The following PPP4R3A variants were observed in gnomAD, a reference collection of about 807,000 sequenced individuals.
The protein encoded by PPP4R3A is serine/threonine-protein phosphatase 4 regulatory subunit 3A.
A neutral mutation model predicts 91.7 loss-of-function variants in PPP4R3A; 15 were observed. The observed-to-expected ratio is 0.16, with a 90% CI of 0.11 to 0.25. The LOEUF (loss-of-function observed/expected upper bound fraction) is 0.25, where lower values mean the gene tolerates loss of function less well. Ranked by LOEUF, PPP4R3A falls within the 10% of genes least tolerant of loss-of-function variation. The probability of loss-of-function intolerance (pLI) is 1.00; values close to 1 mark genes in which losing one functional copy is unlikely to be tolerated. For synonymous variants in PPP4R3A, 377 were observed against 348.7 expected (o/e 1.08, Z -0.91); for missense variants, 623 against 998.4 (o/e 0.62, Z 5.07).
chr14:91,473,404 T>C, intron 7 of PPP4R3A, 34 bp from the exon 8 acceptor site: 1 of 1,585,802 alleles, frequency 6.3e-7, no homozygotes, highest in African/African-American at 1.4e-5. Flanking sequence ...CAGGATCACT[T>C]ATTATGAGAG....
intron 1 of PPP4R3A, among the ~76,000 whole-genome samples, chr14:91,504,430 C>T (rs1450178784): frequency 6.6e-6 from 1 of 151,446 alleles, no homozygotes; most frequent in African/African-American, 2.4e-5. Context: ...GGTGAAACCT[C>T]GTCTCTACTA....
At chr14:91,508,890 C>T (rs985851449) in intron 1 of PPP4R3A, among the ~76,000 whole-genome samples, 1 of 152,200 alleles carries the variant, frequency 6.6e-6, no homozygotes, top group African/African-American at 2.4e-5. Flanking sequence ...ACACAAAATT[C>T]TGCATTACTA....
At chr14:91,508,650 T>C (rs1891562203) in intron 1 of PPP4R3A, among the ~76,000 whole-genome samples, 1 of 152,074 alleles carries the variant, frequency 6.6e-6, no homozygotes, top group African/African-American at 2.4e-5. Flanking sequence ...AAACAGCACA[T>C]GTGGAAAAAA....
At chr14:91,465,467 A>G in intron 10 of PPP4R3A, 48 bp from the exon 11 acceptor site, 1 of 1,442,330 alleles carries the variant, frequency 6.9e-7, no homozygotes, top group South Asian at 1.7e-5. Context: ...ACTCTTCCAT[A>G]CTTTAGACTT....
intron 2 of PPP4R3A, among the ~76,000 whole-genome samples, chr14:91,486,306 C>T (rs908312947): frequency 2.6e-5 from 4 of 151,182 alleles, no homozygotes; most frequent in Non-Finnish European, 5.9e-5. Context: ...AAACTCCTAG[C>T]ACCTACCACC....
rs759382262 is a variant in PPP4R3A at position 91,461,473 on chromosome 14, C to G, written c.2299G>C (p.Gly767Arg). 1 of 1,614,016 alleles carries G rather than the reference C, an allele frequency of 6.2e-7. No homozygotes were observed. The highest frequency in any genetic ancestry group is 2.2e-5 in the East Asian group (1 of 44,904). ...GGGGATCCAGGTGATCCCGGAGAACCAGGCAGATTTGTTGTAGATGACTGG... is the reference window on the plus strand; with the variant it reads ...GGGGATCCAGGTGATCCCGGAGAACGAGGCAGATTTGTTGTAGATGACTGG... ...TSQSSTTNLP[G>R]SPGSPGSPGS... is the part of the protein sequence containing the mutation. Residue 767 changes from glycine (G) to arginine (R), a missense_variant, in exon 14 of 15, where the codon GGT becomes CGT. Coordinates refer to ENST00000554943, the MANE Select transcript of PPP4R3A (RefSeq NM_001366432.2).
At chr14:91,479,791 C>G (rs752505306) in intron 4 of PPP4R3A, among the ~76,000 whole-genome samples, 8 of 152,228 alleles carry the variant, frequency 5.3e-5, no homozygotes, top group Non-Finnish European at 1.2e-4. Flanking sequence ...ATCCACCCGC[C>G]TTGGCCTCCC....
intron 1 of PPP4R3A, 29 bp from the exon 2 acceptor site, chr14:91,490,831 T>C (rs1890191271): frequency 1.9e-6 from 3 of 1,558,436 alleles, no homozygotes; most frequent in South Asian, 1.2e-5. Flanking sequence ...CATTCCATTA[T>C]GTTACTGTAA....
chr14:91,477,316 T>C (rs2140103539), intron 4 of PPP4R3A, among the ~76,000 whole-genome samples: 1 of 152,288 alleles, frequency 6.6e-6, no homozygotes, highest in East Asian at 1.9e-4. Context: ...TATGGCTGTA[T>C]TTCAATAAAA....
intron 1 of PPP4R3A, among the ~76,000 whole-genome samples, chr14:91,508,835 G>A (rs1345072082): frequency 6.6e-6 from 1 of 152,110 alleles, no homozygotes; most frequent in African/African-American, 2.4e-5. Flanking sequence ...ATCAAAAAAA[G>A]CTCATATGAT....
At chr14:91,505,280 G>A (rs531921390) in intron 1 of PPP4R3A, among the ~76,000 whole-genome samples, 2 of 152,092 alleles carry the variant, frequency 1.3e-5, no homozygotes, top group South Asian at 2.1e-4. Context: ...TGGTGAAACC[G>A]TGTCCCTACT....
chr14:91,502,889 T>C (rs1891048591), intron 1 of PPP4R3A, among the ~76,000 whole-genome samples: 1 of 152,238 alleles, frequency 6.6e-6, no homozygotes, highest in Non-Finnish European at 1.5e-5. Flanking sequence ...TCTGGATGCC[T>C]TGGCAAGTAC....
Position 91,489,765 on chromosome 14 carries a change from A to T in PPP4R3A, c.198+982T>A, listed in dbSNP as rs145449445. Among the ~76,000 whole-genome samples, 523 of 152,362 alleles carry T rather than the reference A, an allele frequency of 3.4e-3. 6 individuals are homozygous for T. Among genetic ancestry groups the T allele is most frequent in the African/African-American group, 0.011 (477 of 41,590 alleles). ...ATTAAACTTAAGTTTTCTTAAGAAC[A>T]CTAAATGCAATACAGTATTCTATCA... On this transcript the variant is annotated intron_variant, in intron 2 of 14. Transcript: ENST00000554943.
chr14:91,498,425 G>A (rs1890720661), intron 1 of PPP4R3A, among the ~76,000 whole-genome samples: 1 of 152,026 alleles, frequency 6.6e-6, no homozygotes, highest in South Asian at 2.1e-4. Context: ...TGCTAAGTTA[G>A]AACATTATTT....
At chr14:91,461,748 C>A in intron 13 of PPP4R3A, 141 bp from the exon 14 acceptor site, 2 of 930,458 alleles carry the variant, frequency 2.1e-6, no homozygotes, top group African/African-American at 1.7e-5. Flanking sequence ...AGAAGCTTAC[C>A]AAAATACTAA....
chr14:91,508,964 TAG>T (rs1566662123), intron 1 of PPP4R3A, among the ~76,000 whole-genome samples: 2 of 152,176 alleles, frequency 1.3e-5, no homozygotes, highest in Non-Finnish European at 2.9e-5. Flanking sequence ...TCTCTTAGTG[TAG>T]AGTTGCCAGA....
Position 91,462,740 on chromosome 14 carries a change from A to T in PPP4R3A, c.1968T>A (p.Leu656=), listed in dbSNP as rs1397025545. ...TTAAATATATGGTAATTTACCTGTC[A>T]AGTTTGGGATTATCTTGCCTTTCTC... is the stretch of plus-strand genomic sequence containing the variant. ...QQRERQDNPK[L]DSMRSILRNH... Residue 656 remains leucine, a synonymous_variant, in exon 12 of 15, where the codon CTT becomes CTA. Transcript: ENST00000554943. 5.0e-6 allele frequency: 8 copies of T among 1,613,754 alleles called. No individual in the cohort carries two copies. The highest frequency in any genetic ancestry group is 6.8e-6 in the Non-Finnish European group (8 of 1,179,810).
At chr14:91,476,809 C>T in intron 5 of PPP4R3A, 100 bp downstream of exon 5, 1 of 974,418 alleles carries the variant, frequency 1.0e-6, no homozygotes, top group South Asian at 1.6e-5. Context: ...TCGTGATCCA[C>T]CCACCTCGGC....
intron 1 of PPP4R3A, among the ~76,000 whole-genome samples, chr14:91,503,125 C>T (rs1357234172): frequency 6.6e-6 from 1 of 152,092 alleles, no homozygotes; most frequent in Non-Finnish European, 1.5e-5. Context: ...GTAGCTAAGA[C>T]TACAAGTATG....
Sources: gnomAD v4.1 joint callset for allele counts (sites outside exome capture counted in the v4.1 genomes callset) on GRCh38, gnomAD v4.1.1 for gene constraint, MANE v1.5 for transcripts, NCBI Gene and HGNC (gene_info 2026-07-23, HGNC 2026-07-21) for gene names.